TLE4: variants seen among roughly 807,000 people sequenced by gnomAD.
TLE4 encodes the protein transducin-like enhancer protein 4.
TLE4 carries 8 observed loss-of-function variants against 92.8 expected under a neutral mutation model. That is an observed-to-expected ratio of 0.09 (90% CI 0.05 to 0.16). TLE4 has a LOEUF of 0.16. TLE4 is among the 10% of genes least tolerant of loss of function. The probability of loss-of-function intolerance (pLI) is 1.00; values close to 1 mark genes in which losing one functional copy is unlikely to be tolerated. For synonymous variants in TLE4, 371 were observed against 374.1 expected, an observed-to-expected ratio of 0.99 and a Z score of 0.10; for missense variants, 675 against 997.6, an observed-to-expected ratio of 0.68 and a Z score of 4.36.
chr9:79,706,112 A>G (rs1169813463), intron 10 of TLE4, among the ~76,000 whole-genome samples, 170 bp downstream of exon 10: 4 of 152,158 alleles, frequency 2.6e-5, no homozygotes, highest in South Asian at 4.1e-4. Context: ...TATTGTGACC[A>G]CAGTTCACTG....
intron 4 of TLE4, among the ~76,000 whole-genome samples, chr9:79,605,244 C>T (rs1048861157): frequency 1.1e-4 from 16 of 152,076 alleles, no homozygotes; most frequent in African/African-American, 3.6e-4. Context: ...CTTCTGACAT[C>T]CCACTTTTCC....
chr9:79,650,108 AT>A (rs2058720436), intron 6 of TLE4, among the ~76,000 whole-genome samples: 1 of 151,402 alleles, frequency 6.6e-6, no homozygotes, highest in Non-Finnish European at 1.5e-5. Context: ...TAGACACAGG[AT>A]TTTGCCATGT....
intron 8 of TLE4, among the ~76,000 whole-genome samples, chr9:79,694,184 G>A (rs1055667581): frequency 1.3e-5 from 2 of 152,112 alleles, no homozygotes; most frequent in Non-Finnish European, 2.9e-5. Context: ...GAGAGGGAAA[G>A]GTCAGAGAAA....
intron 4 of TLE4, among the ~76,000 whole-genome samples, chr9:79,607,899 A>G (rs939123130): frequency 6.6e-6 from 1 of 151,670 alleles, no homozygotes; most frequent in Non-Finnish European, 1.5e-5. Flanking sequence ...TTTTGGTTCC[A>G]TATGAACTTT....
chr9:79,684,903 C>G (rs1224732011), intron 8 of TLE4, among the ~76,000 whole-genome samples: 1 of 152,162 alleles, frequency 6.6e-6, no homozygotes, highest in African/African-American at 2.4e-5. Context: ...AAAATTGCAG[C>G]CAATATTGCA....
chr9:79,642,088 C>A (rs2133951409), intron 6 of TLE4, among the ~76,000 whole-genome samples: 1 of 152,108 alleles, frequency 6.6e-6, no homozygotes, highest in South Asian at 2.1e-4. Flanking sequence ...CATAGACACA[C>A]ACACAGAAAT....
intron 4 of TLE4, among the ~76,000 whole-genome samples, chr9:79,600,763 T>A (rs1415996079): frequency 2.0e-5 from 3 of 152,310 alleles, no homozygotes; most frequent in African/African-American, 7.2e-5. Flanking sequence ...TGGCTCTAAC[T>A]GTGTTGTTTT....
At chr9:79,710,395 C>G (rs1161472655) in intron 14 of TLE4, among the ~76,000 whole-genome samples, 2 of 152,202 alleles carry the variant, frequency 1.3e-5, no homozygotes, top group East Asian at 3.9e-4. Flanking sequence ...TGCTTTCTCT[C>G]GCTTCTCCTT....
intron 6 of TLE4, among the ~76,000 whole-genome samples, chr9:79,636,590 C>T (rs2133828107): frequency 6.6e-6 from 1 of 152,242 alleles, no homozygotes; most frequent in Non-Finnish European, 1.5e-5. Flanking sequence ...AGTGGTCTTC[C>T]TTATGCCTCT....
intron 8 of TLE4, among the ~76,000 whole-genome samples, chr9:79,679,502 G>T (rs2064003860): frequency 6.6e-6 from 1 of 152,210 alleles, no homozygotes; most frequent in South Asian, 2.1e-4. Context: ...GTTCATTGTA[G>T]ATTCTGGATA....
chr9:79,722,006 A>G lies in TLE4; in HGVS notation c.1986+118A>G, dbSNP rs112123195. ...ATGGTGAAACCCCATCTCTACTAAA[A>G]GTACAAAAATTAGCTGGGCATGGTG... On this transcript the variant is annotated intron_variant, in intron 17 of 19. Coordinates refer to ENST00000376552, the MANE Select transcript of TLE4 (RefSeq NM_007005.6). 292 of 1,423,464 alleles carry G rather than the reference A, an allele frequency of 2.1e-4. 1 individual carries two copies. Among genetic ancestry groups the G allele is most frequent in the Admixed American group, 8.5e-5 (3 of 35,458 alleles). 88.2% of individuals were successfully genotyped at this position (1,423,464 alleles called of 1,614,324 possible). A position where few individuals can be genotyped will look rare whatever the true frequency, so the allele number is the denominator to read the frequency against.
chr9:79,612,578 T>G, intron 4 of TLE4, 78 bp from the exon 5 acceptor site: 1 of 1,260,584 alleles, frequency 7.9e-7, no homozygotes, highest in South Asian at 1.2e-5. Flanking sequence ...TGTTTTAATA[T>G]CATCCTGTTA....
At chr9:79,593,815 A>G (rs2043266429) in intron 4 of TLE4, among the ~76,000 whole-genome samples, 1 of 152,218 alleles carries the variant, frequency 6.6e-6, no homozygotes, top group South Asian at 2.1e-4. Flanking sequence ...ACATACCACA[A>G]AAAATTAATG....
At chr9:79,598,967 G>C (rs934161752) in intron 4 of TLE4, among the ~76,000 whole-genome samples, 14 of 152,156 alleles carry the variant, frequency 9.2e-5, no homozygotes, top group African/African-American at 3.4e-4. Flanking sequence ...TCCTAAGTCT[G>C]AGGTGCTTTG....
At chr9:79,600,708 T>G (rs2045414657) in intron 4 of TLE4, among the ~76,000 whole-genome samples, 1 of 152,182 alleles carries the variant, frequency 6.6e-6, no homozygotes, top group Non-Finnish European at 1.5e-5. Flanking sequence ...GCCTGTTCTC[T>G]CTAGGGGTCC....
At chr9:79,678,620 T>TG (rs977848396) in intron 8 of TLE4, among the ~76,000 whole-genome samples, 5 of 150,400 alleles carry the variant, frequency 3.3e-5, no homozygotes, top group Non-Finnish European at 5.9e-5. Flanking sequence ...TTGTTTTTCT[T>TG]TTTTTTTTAT....
chr9:79,573,751 G>A lies in TLE4; in HGVS notation c.108G>A (p.Lys36=). 1 of 1,603,906 alleles carries A rather than the reference G, an allele frequency of 6.2e-7. No individual in the cohort carries two copies. The highest frequency in any genetic ancestry group is 8.5e-7 in the Non-Finnish European group (1 of 1,172,468). The change falls in exon 2 of 20, where the codon AAG becomes AAA. Residue 36 remains lysine (K), a synonymous_variant. Coordinates refer to ENST00000376552, the MANE Select transcript of TLE4 (RefSeq NM_007005.6). ...TTTCCGAATCCTGTGATCGGATTAAGGAAGAGTTTCAGTTTTTACAGGCTC... is the reference window on the plus strand; with the variant it reads ...TTTCCGAATCCTGTGATCGGATTAAAGAAGAGTTTCAGTTTTTACAGGCTC... ...FTISESCDRI[K]EEFQFLQAQY...
chr9:79,642,630 C>T (rs1220445895), intron 6 of TLE4, among the ~76,000 whole-genome samples: 1 of 152,016 alleles, frequency 6.6e-6, no homozygotes, highest in African/African-American at 2.4e-5. Context: ...CTTAGAAGTA[C>T]AATTACTAAT....
chr9:79,593,689 T>A (rs1212827674), intron 4 of TLE4, among the ~76,000 whole-genome samples: 1 of 152,240 alleles, frequency 6.6e-6, no homozygotes, highest in Non-Finnish European at 1.5e-5. Context: ...CCTTAACTGC[T>A]GACCAGGCAG....
Sources: gnomAD v4.1 joint callset for allele counts (sites outside exome capture counted in the v4.1 genomes callset) on GRCh38, gnomAD v4.1.1 for gene constraint, MANE v1.5 for transcripts, NCBI Gene and HGNC (gene_info 2026-07-23, HGNC 2026-07-21) for gene names.